Variants in KMT2C observed in about 807,000 individuals in gnomAD.
KMT2C encodes the protein lysine methyltransferase 2C, also known as histone-lysine N-methyltransferase 2C.
KMT2C carries 88 observed loss-of-function variants against 507.9 expected under a neutral mutation model. That is an observed-to-expected ratio of 0.17 (90% CI 0.15 to 0.21). The LOEUF is 0.21. Among genes scored for constraint, KMT2C ranks in the 10% least tolerant of loss-of-function variants. The pLI, the probability that KMT2C is intolerant of heterozygous loss-of-function variation, is 1.00. For synonymous variants in KMT2C, 2,049 were observed against 2,080.8 expected, an observed-to-expected ratio of 0.98 and a Z score of 0.42; for missense variants, 4,954 against 5,957.8, an observed-to-expected ratio of 0.83 and a Z score of 5.55.
chr7:152,237,520 TGG>T (rs2095301442), intron 15 of KMT2C, among the ~76,000 whole-genome samples: 3 of 152,200 alleles, frequency 2.0e-5, no homozygotes, highest in African/African-American at 2.4e-5. Context: ...ATTTTTGAGA[TGG>T]AGTCTCGCTT....
intron 18 of KMT2C, among the ~76,000 whole-genome samples, chr7:152,226,599 A>AT (rs1002718559): frequency 3.3e-5 from 5 of 152,144 alleles, no homozygotes; most frequent in African/African-American, 7.2e-5. Context: ...TAGCTTATTG[A>AT]TTTTTAAGAA....
At chr7:152,266,195 T>A (rs2095855699) in intron 7 of KMT2C, among the ~76,000 whole-genome samples, 2 of 151,968 alleles carry the variant, frequency 1.3e-5, no homozygotes, top group South Asian at 2.1e-4. Flanking sequence ...TTAGATAATA[T>A]ATATAAATAT....
Position 152,148,320 on chromosome 7 carries a change from G to C in KMT2C, c.13607C>G (p.Ala4536Gly), listed in dbSNP as rs912802821. The C allele has an allele frequency of 5.0e-6, 8 of 1,614,150 alleles. No individual in the cohort carries two copies. The highest frequency in any genetic ancestry group is 6.8e-6 in the Non-Finnish European group (8 of 1,180,052). Reference protein sequence around the residue: ...YVQRDEVRQIASIVQRGERDH... With the variant: ...YVQRDEVRQIGSIVQRGERDH... ...CCGTTCTCCTCGTTGCACGATGCTA[G>C]CAATCTGTCGCACCTCATCACGCTG... The change falls in exon 52 of 59, where the codon GCT (alanine) becomes GGT (glycine). Residue 4536 changes from alanine (A) to glycine (G), a missense_variant. Transcript: ENST00000262189. The surrounding 1 kb of genome is among the most constrained non-coding windows in gnomAD (Gnocchi z 7.1).
rs1206279906 is a variant in KMT2C, at chr7:152,290,245, T to TG, written c.850-16379dup. Among the ~76,000 whole-genome samples, 49 of 104,326 alleles carry TG rather than the reference T, an allele frequency of 4.7e-4. 1 individual carries two copies. In the East Asian group the frequency reaches 0.011, roughly 23 times the overall value. 68.4% of individuals were successfully genotyped at this position (104,326 alleles called of 152,430 possible). The stretch of plus-strand genomic sequence containing the variant: ...ATGTGTGTGTGTGTGTGTGTGTGTG[T>TG]GTGTGTGTATGTGTATATATATATA... On this transcript the variant is annotated intron_variant, in intron 6 of 58. Transcript: ENST00000262189.
At chr7:152,367,487 G>A in intron 1 of KMT2C, 1 of 867,686 alleles carries the variant, frequency 1.2e-6, no homozygotes, top group South Asian at 1.4e-5. Context: ...CAAAGTTCTG[G>A]GATTACAGGT....
At chr7:152,390,921 T>C (rs1024953894) in intron 1 of KMT2C, among the ~76,000 whole-genome samples, 11 of 151,828 alleles carry the variant, frequency 7.2e-5, no homozygotes, top group African/African-American at 2.7e-4. Flanking sequence ...CCGAGGCAGA[T>C]GGATCACGAG....
In KMT2C at chr7:152,185,586, G is replaced by C. The variant is rs1433232411; in HGVS notation, c.5054C>G (p.Ala1685Gly). 1 of 1,613,668 alleles carries C rather than the reference G, an allele frequency of 6.2e-7. No individual in the cohort carries two copies. Among genetic ancestry groups the C allele is most frequent in the African/African-American group, 1.3e-5 (1 of 74,922 alleles). ...VKQIAKLWRK[A>G]SSQERAPYVQ... is the part of the protein sequence containing the mutation. Reference sequence around the variant, plus strand: ...ATATGGTGCTCTTTCTTGTGAGCTTGCTTTTCTCCACAATTTGGCAATTTG... The same window carrying C: ...ATATGGTGCTCTTTCTTGTGAGCTTCCTTTTCTCCACAATTTGGCAATTTG... Residue 1685 changes from alanine to glycine, a missense_variant, in exon 34 of 59, where the codon GCA (alanine) becomes GGA (glycine). Coordinates refer to ENST00000262189, the MANE Select transcript of KMT2C (RefSeq NM_170606.3).
chr7:152,349,205 G>A (rs920724313), intron 2 of KMT2C, among the ~76,000 whole-genome samples: 4 of 152,188 alleles, frequency 2.6e-5, no homozygotes, highest in Non-Finnish European at 4.4e-5. Context: ...CAGCATTTTG[G>A]GAGGCTGAGG....
At chr7:152,373,610 A>G (rs1175458827) in intron 1 of KMT2C, among the ~76,000 whole-genome samples, 2 of 152,234 alleles carry the variant, frequency 1.3e-5, no homozygotes, top group African/African-American at 2.4e-5. Context: ...AAAGTGTCAT[A>G]ATTAGCAGAA....
chr7:152,307,349 G>A (rs1375739777), intron 6 of KMT2C, among the ~76,000 whole-genome samples: 2 of 138,444 alleles, frequency 1.4e-5, no homozygotes, highest in Admixed American at 1.4e-4. Flanking sequence ...AGGGAGGGAG[G>A]GAGGGAAGGA....
chr7:152,256,123 T>C (rs2095657897), intron 9 of KMT2C, among the ~76,000 whole-genome samples: 1 of 152,026 alleles, frequency 6.6e-6, no homozygotes, highest in South Asian at 2.1e-4. Flanking sequence ...TGACCCAAGA[T>C]TGAGCCACTG....
intron 2 of KMT2C, among the ~76,000 whole-genome samples, chr7:152,339,141 C>A (rs1373756794): frequency 6.6e-6 from 1 of 152,160 alleles, no homozygotes; most frequent in Non-Finnish European, 1.5e-5. Flanking sequence ...ACTCCCTTAT[C>A]AATACATTAG....
chr7:152,324,674 CA>C (rs2096809093), intron 3 of KMT2C, among the ~76,000 whole-genome samples: 1 of 151,960 alleles, frequency 6.6e-6, no homozygotes, highest in African/African-American at 2.4e-5. Context: ...AGAAACCCCA[CA>C]GACCCATGTA....
intron 12 of KMT2C, 57 bp downstream of exon 12, chr7:152,250,796 T>C (rs1178621035): frequency 3.2e-6 from 3 of 923,476 alleles, no homozygotes. Flanking sequence ...TATTCACATA[T>C]TTATTGTATA....
chr7:152,364,529 A>G (rs1480741864), intron 1 of KMT2C, among the ~76,000 whole-genome samples: 3 of 151,474 alleles, frequency 2.0e-5, no homozygotes, highest in African/African-American at 7.3e-5. Context: ...GAATGGTGTG[A>G]ACCCAGGAGG....
At chr7:152,303,212 T>C (rs182703321) in intron 6 of KMT2C, among the ~76,000 whole-genome samples, 3 of 152,318 alleles carry the variant, frequency 2.0e-5, no homozygotes, top group East Asian at 1.9e-4. Context: ...GAAAACAAAA[T>C]TGCTTGACAA....
At chr7:152,420,726 TC>T (rs1162747888) in intron 1 of KMT2C, among the ~76,000 whole-genome samples, 1 of 151,738 alleles carries the variant, frequency 6.6e-6, no homozygotes, top group African/African-American at 2.4e-5. Context: ...TCCCAGCTAC[TC>T]GGGAAGCTGA....
At position 152,177,975 on chromosome 7, in the gene KMT2C, G is replaced by A. The variant is rs762286403; in HGVS notation, c.7478C>T (p.Pro2493Leu). Residue 2493 changes from proline (P) to leucine (L), a missense_variant, in exon 38 of 59, where the codon CCG becomes CTG. Transcript: ENST00000262189. ...GFPGGSHGTMPSQERFLVPPQ... is the reference protein window; with the variant it reads ...GFPGGSHGTMLSQERFLVPPQ... ...AGGCACAAGGAAGCGCTCTTGACTC[G>A]GCATGGTACCATGACTACCTCCTGG... is the stretch of plus-strand genomic sequence containing the variant. 7 of 1,499,540 alleles carry A rather than the reference G, an allele frequency of 4.7e-6. No homozygotes were observed. The highest frequency in any genetic ancestry group is 1.9e-4 in the Middle Eastern group (1 of 5,390). The allele number at this position is 1,499,540 out of a possible 1,614,324, so 92.9% of individuals were successfully genotyped here. A position where few individuals can be genotyped will look rare whatever the true frequency, so the allele number is the denominator to read the frequency against.
intron 42 of KMT2C, among the ~76,000 whole-genome samples, chr7:152,164,364 ACTGCAAGCTCCGCCTCC>A (rs1267378654): frequency 1.3e-5 from 2 of 149,076 alleles, no homozygotes; most frequent in Non-Finnish European, 3.0e-5. Flanking sequence ...ATCTCGGCTC[ACTGCAAGCTCCGCCTCC>A]CGGGTTCACG....
Sources: gnomAD v4.1 joint callset for allele counts (sites outside exome capture counted in the v4.1 genomes callset) on GRCh38, gnomAD v4.1.1 for gene constraint, Gnocchi (gnomAD v3.1) non-coding constraint, MANE v1.5 for transcripts, NCBI Gene and HGNC (gene_info 2026-07-23, HGNC 2026-07-21) for gene names.